TMCC2: variants seen among roughly 807,000 people sequenced by gnomAD.
TMCC2 encodes the protein transmembrane and coiled-coil domains protein 2.
A neutral mutation model predicts 49.4 loss-of-function variants in TMCC2; 16 were observed. That is an observed-to-expected ratio of 0.32 (90% CI 0.22 to 0.49). The LOEUF is 0.49. Ranked by LOEUF, TMCC2 falls within the 20% of genes least tolerant of loss-of-function variation. The pLI is 0.99. For missense variants in TMCC2, 762 were observed against 989.8 expected (o/e 0.77, Z 3.09); for synonymous variants, 397 against 434.1 (o/e 0.91, Z 1.06).
intron 2 of TMCC2, 107 bp from the exon 3 acceptor site, chr1:205,268,843 C>T: frequency 9.3e-7 from 1 of 1,080,410 alleles, no homozygotes. Context: ...TTCTTTTGGA[C>T]TCCTGCATCC....
At chr1:205,266,740 C>A (rs186024964) in intron 2 of TMCC2, among the ~76,000 whole-genome samples, 275 of 152,182 alleles carry the variant, frequency 1.8e-3, no homozygotes, top group African/African-American at 6.3e-3. Flanking sequence ...AAAGGGATTA[C>A]GCTGCCTAGA....
chr1:205,254,111 G>T (rs1660770409), intron 2 of TMCC2, among the ~76,000 whole-genome samples: 1 of 152,168 alleles, frequency 6.6e-6, no homozygotes, highest in South Asian at 2.1e-4. Context: ...TTGTGAAGCG[G>T]CACGGACAGA....
At chr1:205,246,500 C>A (rs1660457809) in intron 2 of TMCC2, 1 of 1,477,056 alleles carries the variant, frequency 6.8e-7, no homozygotes, top group Admixed American at 2.5e-5. Context: ...TGGGACTGAA[C>A]CATTTGCAAG....
At chr1:205,232,959 A>AAAAAAAAAAAAAC (rs1659862909) in intron 1 of TMCC2, among the ~76,000 whole-genome samples, 1 of 116,144 alleles carries the variant, frequency 8.6e-6, no homozygotes, top group Non-Finnish European at 1.7e-5. Flanking sequence ...AAAAAAAAAA[A>AAAAAAAAAAAAAC]ACACAAAAAA....
At position 205,241,843 on chromosome 1, in the gene TMCC2, C is replaced by A. The variant is rs369316157; in HGVS notation, c.546C>A (p.Arg182=). The part of the protein sequence containing the change: ...GGGSSGSSSR[R]TKSSSLEPQR... ...GCAGCAGCGGGAGCAGCAGCCGGCG[C>A]ACCAAGAGTAGCTCCCTGGAGCCCC... The change falls in exon 2 of 5, where the codon CGC becomes CGA. Residue 182 remains arginine (R), a synonymous_variant. Transcript: ENST00000358024. The surrounding 1 kb of genome is among the most constrained non-coding windows in gnomAD (Gnocchi z 7.3). The A allele has an allele frequency of 6.2e-6, 10 of 1,600,092 alleles. No homozygotes were observed. The highest frequency in any genetic ancestry group is 8.5e-6 in the Non-Finnish European group (10 of 1,174,952).
chr1:205,252,531 T>G (rs1172151), intron 2 of TMCC2, among the ~76,000 whole-genome samples: 74,645 of 152,104 alleles, frequency 0.49, 20,452 homozygotes, highest in Non-Finnish European at 0.61. Context: ...CCTTCTGGCT[T>G]GATCTGAAAG....
rs563760144 is a variant in TMCC2 at position 205,258,350 on chromosome 1, G to A, written c.748-10600G>A. Among the ~76,000 whole-genome samples, 13 of 152,294 alleles carry A rather than the reference G, an allele frequency of 8.5e-5. No homozygotes were observed. In the East Asian group the frequency reaches 2.3e-3, roughly 27 times the overall value. ...TGGCAGCTGGGGCCTTGCTACAGGG[G>A]TTTTGTCACCCCCTTGTGCCCATGG... On this transcript the variant is annotated intron_variant, in intron 2 of 4. Coordinates refer to ENST00000358024, the MANE Select transcript of TMCC2 (RefSeq NM_014858.4).
chr1:205,234,395 G>A (rs1004420985), intron 1 of TMCC2, among the ~76,000 whole-genome samples: 28 of 152,172 alleles, frequency 1.8e-4, no homozygotes, highest in African/African-American at 6.0e-4. Context: ...GCAGTGAGCC[G>A]AGATCGTGCC....
chr1:205,267,865 T>C, intron 2 of TMCC2: 1 of 985,284 alleles, frequency 1.0e-6, no homozygotes, highest in African/African-American at 1.7e-5. Context: ...GGGCGGCTAG[T>C]AGCCTCAGGC....
At chr1:205,237,017 C>T (rs1477363541) in intron 1 of TMCC2, 5 of 151,854 alleles carry the variant, frequency 3.3e-5, no homozygotes, top group African/African-American at 9.7e-5. Flanking sequence ...ATTTTTTGCC[C>T]GTGTGCCCAT....
chr1:205,241,440 C>A lies in TMCC2; in HGVS notation c.208-65C>A. 1 of 1,533,362 alleles carries A rather than the reference C, an allele frequency of 6.5e-7. No individual in the cohort carries two copies. Among genetic ancestry groups the A allele is most frequent in the Non-Finnish European group, 8.9e-7 (1 of 1,124,500 alleles). The allele number at this position is 1,533,362 out of a possible 1,614,324, so 95.0% of individuals were successfully genotyped here. On this transcript the variant is annotated intron_variant, in intron 1 of 4. Coordinates refer to ENST00000358024, the MANE Select transcript of TMCC2 (RefSeq NM_014858.4). This position sits in a 1 kb window ranked among gnomAD's most constrained non-coding sequence, Gnocchi z 7.3. ...CCAAGGACAGACCCTTCACCTTCAC[C>A]CTCCTACTGACTAGGCAATCAAGAG...
intron 2 of TMCC2, among the ~76,000 whole-genome samples, chr1:205,265,166 G>T (rs1250415187): frequency 6.6e-6 from 1 of 152,200 alleles, no homozygotes; most frequent in Non-Finnish European, 1.5e-5. Context: ...GGGTCCTAGG[G>T]TAGAGAAGAG....
chr1:205,246,809 T>C (rs892237384), intron 2 of TMCC2: 15 of 1,096,272 alleles, frequency 1.4e-5, no homozygotes, highest in Non-Finnish European at 1.9e-5. Flanking sequence ...TTTGGTTGCC[T>C]AGGGCTCCCA....
At chr1:205,246,460 T>G in intron 2 of TMCC2, 2 of 1,371,882 alleles carry the variant, frequency 1.5e-6, no homozygotes, top group South Asian at 1.7e-5. Context: ...AATTTGGGAG[T>G]TGTCAGCATA....
chr1:205,232,934 C>CAAAAAAAAAA (rs35561522), intron 1 of TMCC2, among the ~76,000 whole-genome samples: 7 of 45,592 alleles, frequency 1.5e-4, no homozygotes, highest in Non-Finnish European at 2.3e-4. Flanking sequence ...GACCCTATCT[C>CAAAAAAAAAA]AAAAAAAAAA....
chr1:205,247,009 T>C (rs775147120), intron 2 of TMCC2, among the ~76,000 whole-genome samples: 22 of 152,212 alleles, frequency 1.4e-4, no homozygotes, highest in Non-Finnish European at 2.6e-4. Flanking sequence ...GGAGGAACTC[T>C]TTTTTTGCTG....
At position 205,253,223 on chromosome 1, in the gene TMCC2, T is replaced by TA. The variant is rs200183992; in HGVS notation, c.747+11187dup. On this transcript the variant is annotated intron_variant, in intron 2 of 4. Coordinates refer to ENST00000358024, the MANE Select transcript of TMCC2 (RefSeq NM_014858.4). ...AACAACAAGGCAAAGGAAGAGAAAA[T>TA]AAAAAAAATAAGATTTAAAGAATAC... 4.6e-4 allele frequency among the ~76,000 whole-genome samples: 65 copies of TA among 140,016 alleles called. 1 individual carries two copies. In the East Asian group the frequency reaches 9.2e-3, roughly 20 times the overall value. The allele number at this position is 140,016 out of a possible 152,430, so 91.9% of individuals were successfully genotyped here.
Position 205,228,648 on chromosome 1 carries a change from G to C in TMCC2, c.84G>C (p.Leu28=). The change falls in exon 1 of 5, where the codon CTG becomes CTC. Residue 28 remains leucine (L), a synonymous_variant. Transcript: ENST00000358024. ...GAGLEDAASH[L]PGADLRPGET... ...GGCTGGAAGATGCCGCTTCCCACCT[G>C]CCGGGCGCGGACCTCCGGCCTGGGG... 1 of 1,613,218 alleles carries C rather than the reference G, an allele frequency of 6.2e-7. No individual in the cohort carries two copies. The highest frequency in any genetic ancestry group is 1.1e-5 in the South Asian group (1 of 91,062).
intron 3 of TMCC2, among the ~76,000 whole-genome samples, chr1:205,270,723 A>G (rs973815168): frequency 2.3e-4 from 35 of 152,202 alleles, no homozygotes; most frequent in Non-Finnish European, 1.5e-5. Context: ...TGGTACCCAG[A>G]GAGCATCTGA....
Sources: gnomAD v4.1 joint callset for allele counts (sites outside exome capture counted in the v4.1 genomes callset) on GRCh38, gnomAD v4.1.1 for gene constraint, Gnocchi (gnomAD v3.1) non-coding constraint, MANE v1.5 for transcripts, NCBI Gene and HGNC (gene_info 2026-07-23, HGNC 2026-07-21) for gene names.